Variants in TMC5 observed in about 807,000 individuals in gnomAD.
The protein encoded by TMC5 is transmembrane channel like 5, also known as transmembrane channel-like protein 5.
A neutral mutation model predicts 110.5 loss-of-function variants in TMC5; 86 were observed. The ratio of observed to expected loss-of-function variants is 0.78; its 90% CI spans 0.65 to 0.93. The LOEUF (loss-of-function observed/expected upper bound fraction) is 0.93, where lower values mean the gene tolerates loss of function less well. TMC5 is among the 40% of genes least tolerant of loss of function. The probability of loss-of-function intolerance (pLI) is 0.00; values close to 1 mark genes in which losing one functional copy is unlikely to be tolerated. For synonymous variants in TMC5, 455 were observed against 439.5 expected (o/e 1.04, Z -0.44); for missense variants, 1,144 against 1,222.8 (o/e 0.94, Z 0.96).
At chr16:19,480,941 G>T (rs1968604325) in intron 14 of TMC5, among the ~76,000 whole-genome samples, 1 of 150,328 alleles carries the variant, frequency 6.7e-6, no homozygotes, top group African/African-American at 2.5e-5. Context: ...TTTCCTTCTT[G>T]TGGATTTAGA....
chr16:19,458,207 T>C (rs1044780315), intron 5 of TMC5, among the ~76,000 whole-genome samples: 1 of 152,050 alleles, frequency 6.6e-6, no homozygotes, highest in Non-Finnish European at 1.5e-5. Flanking sequence ...TTTAATTTAA[T>C]TTAATTTAAT....
intron 5 of TMC5, chr16:19,457,053 G>A (rs1567310286): frequency 6.5e-7 from 1 of 1,535,392 alleles, no homozygotes; most frequent in Admixed American, 1.9e-5. Context: ...AGGGGAGTAG[G>A]AAAAAAGGCT....
intron 2 of TMC5, among the ~76,000 whole-genome samples, chr16:19,435,392 C>A (rs1417656586): frequency 1.3e-5 from 2 of 151,620 alleles, no homozygotes; most frequent in African/African-American, 2.4e-5. Context: ...GTCCCAGCTA[C>A]TCGGGAGGCT....
At chr16:19,469,323 C>T (rs915581557) in intron 9 of TMC5, among the ~76,000 whole-genome samples, 1 of 150,628 alleles carries the variant, frequency 6.6e-6, no homozygotes, top group Admixed American at 6.7e-5. Context: ...CACTGCACTC[C>T]AGCCTGGGAG....
chr16:19,495,450 C>T (rs9921267), intron 20 of TMC5, among the ~76,000 whole-genome samples: 1 of 152,176 alleles, frequency 6.6e-6, no homozygotes, highest in East Asian at 1.9e-4. Flanking sequence ...TTCCCTCCCC[C>T]GCAGCCCACC....
chr16:19,461,761 G>A (rs965266337), intron 6 of TMC5, among the ~76,000 whole-genome samples: 1 of 151,762 alleles, frequency 6.6e-6, no homozygotes. Flanking sequence ...TAGAGTGGAT[G>A]CAACAACAAT....
intron 11 of TMC5, 24 bp downstream of exon 11, chr16:19,472,267 CAG>C: frequency 6.2e-7 from 1 of 1,611,304 alleles, no homozygotes; most frequent in Non-Finnish European, 8.5e-7. Flanking sequence ...GGGTCCAGGG[CAG>C]AGAGAACCAG....
rs376274667 is a variant in TMC5, at chr16:19,482,841, T to C, written c.2363+1376T>C. Reference sequence around the variant, plus strand: ...ACACTGCAAACAATTAGCCAGTGGCTGTGTTTCCTTATTTATTTATTTATT... The same window carrying C: ...ACACTGCAAACAATTAGCCAGTGGCCGTGTTTCCTTATTTATTTATTTATT... On this transcript the variant is annotated intron_variant, in intron 15 of 21. Transcript: ENST00000542583. Among the ~76,000 whole-genome samples the C allele has an allele frequency of 3.9e-5, 6 of 152,056 alleles. No individual in the cohort carries two copies. In the East Asian group the frequency reaches 7.7e-4, roughly 20 times the overall value.
At chr16:19,425,329 T>C (rs1967068878) in intron 1 of TMC5, among the ~76,000 whole-genome samples, 2 of 35,488 alleles carry the variant, frequency 5.6e-5, no homozygotes. Flanking sequence ...TGAGTTTGCT[T>C]TTTTTTTTTT....
At chr16:19,429,732 T>A (rs191645688) in intron 1 of TMC5, among the ~76,000 whole-genome samples, 300 of 152,350 alleles carry the variant, frequency 2.0e-3, no homozygotes, top group Non-Finnish European at 3.2e-3. Context: ...TCTTCTTTTT[T>A]AAATTCTTTT....
intron 1 of TMC5, among the ~76,000 whole-genome samples, chr16:19,430,021 C>A (rs1192067071): frequency 6.6e-6 from 1 of 151,826 alleles, no homozygotes; most frequent in East Asian, 1.9e-4. Flanking sequence ...TGAGGGGATG[C>A]AACTCAACTC....
At chr16:19,494,493 T>C (rs1314721105) in intron 20 of TMC5, 127 bp downstream of exon 20, 2 of 613,398 alleles carry the variant, frequency 3.3e-6, no homozygotes, top group Non-Finnish European at 5.7e-6. Flanking sequence ...GTCTTAAGTA[T>C]TTCTGTGGTT....
chr16:19,434,436 C>G (rs1385171988), intron 2 of TMC5, among the ~76,000 whole-genome samples: 1 of 125,592 alleles, frequency 8.0e-6, no homozygotes, highest in Non-Finnish European at 1.6e-5. Context: ...ATGTATATAT[C>G]ATATATATCT....
At position 19,472,084 on chromosome 16, in the gene TMC5, C is replaced by G; in HGVS notation, c.1783-4C>G. 6.2e-7 allele frequency: 1 copy of G among 1,612,540 alleles called. No individual in the cohort carries two copies. Among genetic ancestry groups the G allele is most frequent in the African/African-American group, 1.3e-5 (1 of 74,982 alleles). On this transcript the variant is annotated splice_polypyrimidine_tract_variant and splice_region_variant and intron_variant, in intron 10 of 21. Transcript: ENST00000542583. ...CCATAAACTTGACTTTCTTATGTTTCTAGGAGAACCTGTCAGAGCTCCGTC... is the reference window on the plus strand; with the variant it reads ...CCATAAACTTGACTTTCTTATGTTTGTAGGAGAACCTGTCAGAGCTCCGTC...
At chr16:19,449,446 G>A (rs1248427005) in intron 4 of TMC5, 96 bp from the exon 5 acceptor site, 25 of 1,039,498 alleles carry the variant, frequency 2.4e-5, no homozygotes, top group Non-Finnish European at 3.1e-5. Context: ...CTTATTAGCC[G>A]TTACGAACCA....
At chr16:19,426,432 T>C (rs1967089246) in intron 1 of TMC5, among the ~76,000 whole-genome samples, 1 of 152,206 alleles carries the variant, frequency 6.6e-6, no homozygotes, top group Admixed American at 6.5e-5. Context: ...GGCAGGATTC[T>C]GAGCACACTG....
At chr16:19,466,338 T>C (rs570998315) in intron 9 of TMC5, 105 bp downstream of exon 9, 1 of 1,086,148 alleles carries the variant, frequency 9.2e-7, no homozygotes, top group African/African-American at 1.6e-5. Flanking sequence ...TGCAGTCCTC[T>C]CCTCTCCTCT....
chr16:19,480,885 T>C (rs928455011), intron 14 of TMC5, among the ~76,000 whole-genome samples: 2 of 151,492 alleles, frequency 1.3e-5, no homozygotes, highest in African/African-American at 4.9e-5. Context: ...TCTTTATGAA[T>C]AAATTAATAT....
intron 5 of TMC5, among the ~76,000 whole-genome samples, chr16:19,451,955 C>T (rs1203117535): frequency 6.6e-6 from 1 of 152,186 alleles, no homozygotes; most frequent in African/African-American, 2.4e-5. Flanking sequence ...TGCGCCACCA[C>T]ACCCAGCTCA....
Sources: allele counts gnomAD v4.1 joint callset (sites outside exome capture counted in the v4.1 genomes callset), GRCh38; gene constraint gnomAD v4.1.1; transcripts MANE v1.5; gene names NCBI Gene and HGNC (gene_info 2026-07-23, HGNC 2026-07-21).